Variants in SLC25A1 observed in about 807,000 individuals in gnomAD.
SLC25A1 encodes the protein solute carrier family 25 member 1.
A neutral mutation model predicts 38.1 loss-of-function variants in SLC25A1; 26 were observed. The observed-to-expected ratio is 0.68, with a 90% CI of 0.50 to 0.95. The LOEUF is 0.95. Among genes scored for constraint, SLC25A1 ranks in the 40% least tolerant of loss-of-function variants. SLC25A1 has a pLI of 0.00. For synonymous variants in SLC25A1, 211 were observed against 183.2 expected, an observed-to-expected ratio of 1.15 and a Z score of -1.23; for missense variants, 378 against 426.6, an observed-to-expected ratio of 0.89 and a Z score of 1.00.
chr22:19,176,906 G>T lies in SLC25A1; in HGVS notation c.571C>A (p.Gln191Lys). 6.2e-7 allele frequency: 1 copy of T among 1,613,802 alleles called. No homozygotes were observed. The highest frequency in any genetic ancestry group is 8.5e-7 in the Non-Finnish European group (1 of 1,180,016). The change falls in exon 6 of 9, where the codon CAG (glutamine) becomes AAG (lysine). Residue 191 changes from glutamine to lysine, a missense_variant. Transcript: ENST00000215882. ...YQGLTATVLK[Q>K]GSNQAIRFFV... ...AAGCGGATGGCCTGGTTCGAGCCCT[G>T]CTTCAGGACAGTGGCTGTGAGGCCC...
Position 19,176,904 on chromosome 22 carries a change from C to T in SLC25A1, c.573G>A (p.Gln191=). Reference sequence around the variant, plus strand: ...AGAAGCGGATGGCCTGGTTCGAGCCCTGCTTCAGGACAGTGGCTGTGAGGC... The same window carrying T: ...AGAAGCGGATGGCCTGGTTCGAGCCTTGCTTCAGGACAGTGGCTGTGAGGC... The part of the protein sequence containing the change: ...YQGLTATVLK[Q]GSNQAIRFFV... The change falls in exon 6 of 9, where the codon CAG becomes CAA. Residue 191 remains glutamine (Q), a synonymous_variant. Transcript: ENST00000215882. 2 of 1,613,834 alleles carry T rather than the reference C, an allele frequency of 1.2e-6. No homozygotes were observed. The highest frequency in any genetic ancestry group is 1.7e-6 in the Non-Finnish European group (2 of 1,180,024).
chr22:19,177,250 T>C lies in SLC25A1; in HGVS notation c.442-46A>G, dbSNP rs376412937. ...CGCAGGTTCTCGGCTGCCACCTGGG[T>C]GGGTCCTGGCTAGCTGGCAGGCCCA... On this transcript the variant is annotated intron_variant, in intron 4 of 8. Transcript: ENST00000215882. 5.3e-5 allele frequency: 82 copies of C among 1,545,282 alleles called. No homozygotes were observed. In the African/African-American group the frequency reaches 1.1e-3, roughly 20 times the overall value.
chr22:19,177,188 T>C lies in SLC25A1; in HGVS notation c.458A>G (p.Asp153Gly). Reference sequence around the variant, plus strand: ...GTACTTGGGGTTTGGGGAGGTCTGGTCGTGGATGAACTTCACCTGAGAGAG... The same window carrying C: ...GTACTTGGGGTTTGGGGAGGTCTGGCCGTGGATGAACTTCACCTGAGAGAG... ...METIKVKFIHDQTSPNPKYRG... is the reference protein window; with the variant it reads ...METIKVKFIHGQTSPNPKYRG... The change falls in exon 5 of 9, where the codon GAC becomes GGC. Residue 153 changes from aspartate (D) to glycine (G), a missense_variant. Asp to Gly is a moderately conservative substitution (Grantham distance 94). Coordinates refer to ENST00000215882, the MANE Select transcript of SLC25A1 (RefSeq NM_005984.5). 2 of 1,613,894 alleles carry C rather than the reference T, an allele frequency of 1.2e-6. No individual in the cohort carries two copies. Among genetic ancestry groups the C allele is most frequent in the Non-Finnish European group, 1.7e-6 (2 of 1,179,866 alleles).
At chr22:19,176,766 G>GCCCGCCACCCAGGGGTGGCCC in intron 6 of SLC25A1, 73 bp from the exon 7 acceptor site, 1 of 1,589,454 alleles carries the variant, frequency 6.3e-7, no homozygotes, top group South Asian at 1.1e-5. Flanking sequence ...AAAGGTGGGT[G>GCCCGCCACCCAGGGGTGGCCC]CCCGCCACCC....
chr22:19,177,642 G>C (rs572879228), intron 4 of SLC25A1, 85 bp downstream of exon 4: 1 of 1,563,770 alleles, frequency 6.4e-7, no homozygotes, highest in East Asian at 2.3e-5. Flanking sequence ...CCAGCTTGCC[G>C]GTTGCCCCGG....
intron 5 of SLC25A1, 63 bp downstream of exon 5, chr22:19,177,032 CACAAAGCCCAAGGCAGGATGGGAGG>C: frequency 6.3e-7 from 1 of 1,584,442 alleles, no homozygotes; most frequent in Non-Finnish European, 8.7e-7. Flanking sequence ...GTGGGTGTTG[CACAAAGCCCAAGGCAGGATGGGAGG>C]TGCAGGCCCT....
Position 19,178,163 on chromosome 22 carries a change from G to A in SLC25A1, c.172C>T (p.Arg58Cys), listed in dbSNP as rs1440207727. 7 of 1,547,102 alleles carry A rather than the reference G, an allele frequency of 4.5e-6. No individual in the cohort carries two copies. Among genetic ancestry groups the A allele is most frequent in the Admixed American group, 2.0e-5 (1 of 51,146 alleles). ...YVKTQLQLDE[R>C]SHPPRYRGIG... ...CCCCGGTACCGCGGCGGGTGCGAGC[G>A]CTCGTCCAGCTGCAGCTGCGTCTTC... Residue 58 changes from arginine (R) to cysteine (C), a missense_variant, in exon 2 of 9, where the codon CGC (arginine) becomes TGC (cysteine). Transcript: ENST00000215882. This position sits in a 1 kb window ranked among gnomAD's most constrained non-coding sequence, Gnocchi z 4.9.
chr22:19,178,709 G>GGACTCCAGAACTCCGCGAGACT lies in SLC25A1; in HGVS notation c.-37_-36insAGTCTCGCGGAGTTCTGGAGTC, dbSNP rs1361786488. The GGACTCCAGAACTCCGCGAGACT allele has an allele frequency of 2.0e-6, 2 of 998,966 alleles. No homozygotes were observed. Among genetic ancestry groups the GGACTCCAGAACTCCGCGAGACT allele is most frequent in the African/African-American group, 3.5e-5 (2 of 57,914 alleles). The allele number at this position is 998,966 out of a possible 1,614,324, so 61.9% of individuals were successfully genotyped here. ...AGGCGGGGCGCCCTGTGGCGGCTTCGGGTCCGAGACTCCAGAACTCCGCGC... is the reference window on the plus strand; with the variant it reads ...AGGCGGGGCGCCCTGTGGCGGCTTCGGACTCCAGAACTCCGCGAGACTGGTCCGAGACTCCAGAACTCCGCGC... On this transcript the variant is annotated 5_prime_UTR_variant, in exon 1 of 9. Transcript: ENST00000215882. The surrounding 1 kb of genome is among the most constrained non-coding windows in gnomAD (Gnocchi z 4.9).
rs1187633302 is a variant in SLC25A1, at chr22:19,178,033, C to A, written c.211G>T (p.Val71Leu). The change falls in exon 3 of 9, where the codon GTG (valine) becomes TTG (leucine). Residue 71 changes from valine (V) to leucine (L), a missense_variant. Transcript: ENST00000215882. The surrounding 1 kb of genome is among the most constrained non-coding windows in gnomAD (Gnocchi z 4.9). ...CCATGGCTGCGAACCGTCTGCCGCACGCAGTCCCCTGGGGGAGGGGGCGGT... is the reference window on the plus strand; with the variant it reads ...CCATGGCTGCGAACCGTCTGCCGCAAGCAGTCCCCTGGGGGAGGGGGCGGT... ...PPRYRGIGDCVRQTVRSHGVL... is the reference protein window; with the variant it reads ...PPRYRGIGDCLRQTVRSHGVL... 3 of 1,591,818 alleles carry A rather than the reference C, an allele frequency of 1.9e-6. No individual in the cohort carries two copies. Among genetic ancestry groups the A allele is most frequent in the Non-Finnish European group, 2.6e-6 (3 of 1,171,720 alleles).
At position 19,176,460 on chromosome 22, in the gene SLC25A1, T is replaced by C; in HGVS notation, c.782A>G (p.Asp261Gly). Residue 261 changes from aspartate to glycine, a missense_variant, in exon 8 of 9, where the codon GAC (aspartate) becomes GGC (glycine). By Grantham distance (94) the Asp-to-Gly change is moderately conservative. Coordinates refer to ENST00000215882, the MANE Select transcript of SLC25A1 (RefSeq NM_005984.5). Reference sequence around the variant, plus strand: ...CTTCTTCAGGATCTGCAAGCCGCAGTCCCACGTGTTCCGGTATTTGTGCGC... The same window carrying C: ...CTTCTTCAGGATCTGCAAGCCGCAGCCCCACGTGTTCCGGTATTTGTGCGC... ...LEAHKYRNTW[D>G]CGLQILKKEG... is the part of the protein sequence containing the mutation. 6.2e-7 allele frequency: 1 copy of C among 1,613,856 alleles called. No individual in the cohort carries two copies. The highest frequency in any genetic ancestry group is 8.5e-7 in the Non-Finnish European group (1 of 1,180,016).
Position 19,176,954 on chromosome 22 carries a change from C to CG in SLC25A1, c.527-5dup. ...CCCTGGTACGTCCCCTTCAGCCCTG[C>CG]GGGAAGGCAGGCACGGGGTTACCCT... On this transcript the variant is annotated splice_polypyrimidine_tract_variant and splice_region_variant and intron_variant, in intron 5 of 8. Transcript: ENST00000215882. 6.2e-7 allele frequency: 1 copy of CG among 1,613,328 alleles called. No homozygotes were observed. Among genetic ancestry groups the CG allele is most frequent in the Admixed American group, 1.7e-5 (1 of 60,026 alleles).
Position 19,178,688 on chromosome 22 carries a change from G to A in SLC25A1, c.-15C>T. 9.3e-7 allele frequency: 1 copy of A among 1,079,240 alleles called. No individual in the cohort carries two copies. The highest frequency in any genetic ancestry group is 1.1e-6 in the Non-Finnish European group (1 of 884,330). 66.9% of individuals were successfully genotyped at this position (1,079,240 alleles called of 1,614,324 possible). A position where few individuals can be genotyped will look rare whatever the true frequency, so the allele number is the denominator to read the frequency against. ...GGCGCGGGCATGGCGGGCGGGAGGC[G>A]GGGCGCCCTGTGGCGGCTTCGGGTC... is the stretch of plus-strand genomic sequence containing the variant. On this transcript the variant is annotated 5_prime_UTR_variant, in exon 1 of 9. Transcript: ENST00000215882. This position sits in a 1 kb window ranked among gnomAD's most constrained non-coding sequence, Gnocchi z 4.9.
At position 19,176,591 on chromosome 22, in the gene SLC25A1, T is replaced by C; in HGVS notation, c.734A>G (p.Lys245Arg). Residue 245 changes from lysine (K) to arginine (R), a missense_variant, in exon 7 of 9, where the codon AAG (lysine) becomes AGG (arginine). Transcript: ENST00000215882. ...VFGNTPLDVI[K>R]TRMQGLEAHK... Reference sequence around the variant, plus strand: ...CGGCCCCACCACCTGCATCCGGGTCTTAATCACATCCAGAGGAGTGTTTCC... The same window carrying C: ...CGGCCCCACCACCTGCATCCGGGTCCTAATCACATCCAGAGGAGTGTTTCC... 1 of 1,613,664 alleles carries C rather than the reference T, an allele frequency of 6.2e-7. No homozygotes were observed. The highest frequency in any genetic ancestry group is 1.1e-5 in the South Asian group (1 of 91,088).
In SLC25A1 at chr22:19,176,068, A is replaced by T. The variant is rs2037303058; in HGVS notation, c.*62T>A. 7.7e-7 allele frequency: 1 copy of T among 1,304,958 alleles called. No homozygotes were observed. Among genetic ancestry groups the T allele is most frequent in the Non-Finnish European group, 1.1e-6 (1 of 913,970 alleles). 80.8% of individuals were successfully genotyped at this position (1,304,958 alleles called of 1,614,324 possible). ...TTGGCACTACTGCACTGGAATCGTG[A>T]GACAAAGGTAGCAGGACACTCTGGC... On this transcript the variant is annotated 3_prime_UTR_variant, in exon 9 of 9. Coordinates refer to ENST00000215882, the MANE Select transcript of SLC25A1 (RefSeq NM_005984.5).
intron 4 of SLC25A1, among the ~76,000 whole-genome samples, 165 bp from the exon 5 acceptor site, chr22:19,177,369 G>C (rs2083976830): frequency 6.7e-6 from 1 of 149,260 alleles, no homozygotes; most frequent in African/African-American, 2.4e-5. Flanking sequence ...CATGCCCCGG[G>C]ACACAGGGCA....
chr22:19,176,608 A>C lies in SLC25A1; in HGVS notation c.717T>G (p.Thr239=), dbSNP rs1555922384. The change falls in exon 7 of 9, where the codon ACT becomes ACG. Residue 239 remains threonine, a synonymous_variant. Coordinates refer to ENST00000215882, the MANE Select transcript of SLC25A1 (RefSeq NM_005984.5). ...IAGAASVFGN[T]PLDVIKTRMQ... is the part of the protein sequence containing the mutation. ...TCCGGGTCTTAATCACATCCAGAGG[A>C]GTGTTTCCAAAGACACTGGCTGCGC... The C allele has an allele frequency of 1.9e-6, 3 of 1,613,742 alleles. No individual in the cohort carries two copies. The South Asian group carries it at 3.3e-5, about 18-fold the overall frequency.
chr22:19,177,974 C>G lies in SLC25A1; in HGVS notation c.270G>C (p.Leu90=). The change falls in exon 3 of 9, where the codon CTG becomes CTC. Residue 90 remains leucine, a synonymous_variant. Coordinates refer to ENST00000215882, the MANE Select transcript of SLC25A1 (RefSeq NM_005984.5). ...VLGLYRGLSS[L]LYGSIPKAAV... is the part of the protein sequence containing the mutation. The stretch of plus-strand genomic sequence containing the variant: ...CCGCCTTGGGGATGGAACCGTAGAG[C>G]AGGGAGCTAAGGCCGCGGTACAGGC... 1 of 1,604,670 alleles carries G rather than the reference C, an allele frequency of 6.2e-7. No individual in the cohort carries two copies. Among genetic ancestry groups the G allele is most frequent in the Non-Finnish European group, 8.5e-7 (1 of 1,177,340 alleles).
In SLC25A1 at chr22:19,177,946, C is replaced by A; in HGVS notation, c.298G>T (p.Val100Phe). ...LLYGSIPKAA[V>F]RFGMFEFLSN... ...CAGCCACCGGCCGGGCCTCACCTGA[C>A]GGCCGCCTTGGGGATGGAACCGTAG... The change falls in exon 3 of 9, where the codon GTC becomes TTC. Residue 100 changes from valine to phenylalanine, a missense_variant. Coordinates refer to ENST00000215882, the MANE Select transcript of SLC25A1 (RefSeq NM_005984.5). 6.3e-7 allele frequency: 1 copy of A among 1,598,740 alleles called. No homozygotes were observed. Among genetic ancestry groups the A allele is most frequent in the African/African-American group, 1.3e-5 (1 of 74,810 alleles).
In SLC25A1 at chr22:19,178,654, G is replaced by A; in HGVS notation, c.20C>T (p.Pro7Leu). The A allele has an allele frequency of 1.7e-6, 2 of 1,162,580 alleles. No homozygotes were observed. Among genetic ancestry groups the A allele is most frequent in the South Asian group, 4.2e-5 (1 of 23,746 alleles). 72.0% of individuals were successfully genotyped at this position (1,162,580 alleles called of 1,614,324 possible). A position where few individuals can be genotyped will look rare whatever the true frequency, so the allele number is the denominator to read the frequency against. Residue 7 changes from proline (P) to leucine (L), a missense_variant, in exon 1 of 9, where the codon CCG becomes CTG. Pro to Leu is a moderately conservative substitution (Grantham distance 98). Transcript: ENST00000215882. The surrounding 1 kb of genome is among the most constrained non-coding windows in gnomAD (Gnocchi z 4.9). MPAPRAPRALAAAAPAS... is the reference protein window; with the variant it reads MPAPRALRALAAAAPAS... ...GGGCGCGGCGGCCGCCAGAGCGCGC[G>A]GGGCGCGGGGCGCGGGCATGGCGGG... is the stretch of plus-strand genomic sequence containing the variant.
Sources: allele counts gnomAD v4.1 joint callset (sites outside exome capture counted in the v4.1 genomes callset), GRCh38; gene constraint gnomAD v4.1.1; non-coding constraint Gnocchi (gnomAD v3.1); transcripts MANE v1.5; gene names NCBI Gene and HGNC (gene_info 2026-07-23, HGNC 2026-07-21).